The following MYO3B variants were observed in gnomAD, a reference collection of about 807,000 sequenced individuals.
MYO3B encodes myosin-IIIb.
Under a neutral mutation model 174.6 loss-of-function variants are expected in MYO3B, and 156 were observed. The ratio of observed to expected loss-of-function variants is 0.89; its 90% CI spans 0.78 to 1.02. The LOEUF is 1.02. MYO3B is among the 50% of genes least tolerant of loss of function. The pLI, the probability that MYO3B is intolerant of heterozygous loss-of-function variation, is 0.00. For missense variants in MYO3B, 1,632 were observed against 1,639.4 expected (o/e 1.00, Z 0.08); for synonymous variants, 563 against 569.1 (o/e 0.99, Z 0.15).
At chr2:170,619,143 AT>A (rs1695667066) in intron 32 of MYO3B, among the ~76,000 whole-genome samples, 1 of 152,202 alleles carries the variant, frequency 6.6e-6, no homozygotes, top group African/African-American at 2.4e-5. Context: ...GCCCTATCTT[AT>A]CCATATGGAC....
chr2:170,213,241 C>T (rs926438538), intron 3 of MYO3B, among the ~76,000 whole-genome samples: 2 of 152,222 alleles, frequency 1.3e-5, no homozygotes, highest in Middle Eastern at 3.4e-3. Context: ...TTTATTCCGC[C>T]GGGAGCATCG....
At chr2:170,299,640 G>A (rs1169061311) in intron 7 of MYO3B, among the ~76,000 whole-genome samples, 1 of 152,192 alleles carries the variant, frequency 6.6e-6, no homozygotes, top group African/African-American at 2.4e-5. Flanking sequence ...GAAAGAATAA[G>A]TAACTTGGCT....
chr2:170,595,658 T>C (rs1354199224), intron 32 of MYO3B, among the ~76,000 whole-genome samples: 1 of 152,074 alleles, frequency 6.6e-6, no homozygotes, highest in Non-Finnish European at 1.5e-5. Context: ...AGGCTAGTCT[T>C]GAACCCTGGG....
intron 8 of MYO3B, among the ~76,000 whole-genome samples, chr2:170,338,464 C>G (rs181962683): frequency 1.1e-4 from 16 of 152,162 alleles, no homozygotes; most frequent in African/African-American, 3.9e-4. Context: ...TCCTGTTTTC[C>G]CATAACATCT....
chr2:170,533,723 A>G (rs1689505887), intron 30 of MYO3B, among the ~76,000 whole-genome samples: 1 of 152,246 alleles, frequency 6.6e-6, no homozygotes, highest in Non-Finnish European at 1.5e-5. Context: ...AATCATAAAC[A>G]ATAAGTAACC....
intron 24 of MYO3B, among the ~76,000 whole-genome samples, chr2:170,465,292 A>G (rs1047088645): frequency 6.6e-6 from 1 of 152,156 alleles, no homozygotes; most frequent in Non-Finnish European, 1.5e-5. Context: ...TTACTCATAG[A>G]GCAGGCGTGT....
chr2:170,516,477 A>G (rs1688317282), intron 29 of MYO3B, among the ~76,000 whole-genome samples: 1 of 152,038 alleles, frequency 6.6e-6, no homozygotes, highest in Non-Finnish European at 1.5e-5. Flanking sequence ...CCCCATCTCT[A>G]CTAAAAATAC....
chr2:170,188,650 C>A (rs951159034), intron 1 of MYO3B, among the ~76,000 whole-genome samples: 1 of 151,778 alleles, frequency 6.6e-6, no homozygotes, highest in Non-Finnish European at 1.5e-5. Flanking sequence ...TTGCAGTTAC[C>A]ATGAGGCTTG....
At chr2:170,379,826 G>C (rs1294958599) in intron 9 of MYO3B, among the ~76,000 whole-genome samples, 1 of 152,200 alleles carries the variant, frequency 6.6e-6, no homozygotes, top group Non-Finnish European at 1.5e-5. Context: ...TAGGACTGGA[G>C]ATGACTAATA....
chr2:170,629,384 C>T (rs1696745288), intron 32 of MYO3B, among the ~76,000 whole-genome samples: 1 of 152,166 alleles, frequency 6.6e-6, no homozygotes, highest in Non-Finnish European at 1.5e-5. Flanking sequence ...TATTTTTCCC[C>T]CATCCCAAGC....
chr2:170,570,739 G>A (rs146804446), intron 32 of MYO3B, among the ~76,000 whole-genome samples: 7 of 151,968 alleles, frequency 4.6e-5, no homozygotes, highest in East Asian at 1.9e-4. Context: ...TCATTTGCGC[G>A]TTATTCTGGC....
Position 170,653,434 on chromosome 2 carries a change from C to T in MYO3B, c.*313C>T, listed in dbSNP as rs930134521. 5 of 308,760 alleles carry T rather than the reference C, an allele frequency of 1.6e-5. No individual in the cohort carries two copies. The highest frequency in any genetic ancestry group is 4.4e-5 in the Admixed American group (1 of 22,586). The allele number at this position is 308,760 out of a possible 1,614,324, so 19.1% of individuals were successfully genotyped here. On this transcript the variant is annotated 3_prime_UTR_variant, in exon 35 of 35. Coordinates refer to ENST00000408978, the MANE Select transcript of MYO3B (RefSeq NM_138995.5). ...CCCCAGTGTCTAGGAAGATAACAGC[C>T]AGTCTCACCCCAGTCTAATCATGGA...
intron 3 of MYO3B, 84 bp from the exon 4 acceptor site, chr2:170,214,295 C>A: frequency 9.6e-7 from 1 of 1,041,574 alleles, no homozygotes. Context: ...GAATCAGTAT[C>A]AGTCGGCTTT....
intron 32 of MYO3B, among the ~76,000 whole-genome samples, chr2:170,582,191 C>T (rs568328865): frequency 2.3e-4 from 35 of 152,304 alleles, no homozygotes; most frequent in East Asian, 1.5e-3. Context: ...TGGCTACAGA[C>T]GCACTACCAG....
At chr2:170,604,622 T>C (rs6749331) in intron 32 of MYO3B, among the ~76,000 whole-genome samples, 35,993 of 152,044 alleles carry the variant, frequency 0.24, 7,350 homozygotes, top group African/African-American at 0.56. Context: ...CTTTCTGAAA[T>C]AAAAGAACAT....
At chr2:170,636,130 C>T (rs895858550) in intron 32 of MYO3B, among the ~76,000 whole-genome samples, 105 of 152,216 alleles carry the variant, frequency 6.9e-4, no homozygotes, top group Non-Finnish European at 1.0e-4. Flanking sequence ...ATTCCAGTTA[C>T]CTTATTATGA....
rs570219345 is a variant in MYO3B, at chr2:170,340,376, C to T, written c.815+4926C>T. ...GCTTTGGATTTAATGATGACTTGAA[C>T]TACATGGTCACCTGCACATGAACTG... On this transcript the variant is annotated intron_variant, in intron 8 of 34. Coordinates refer to ENST00000408978, the MANE Select transcript of MYO3B (RefSeq NM_138995.5). 70 of 152,302 alleles carry T rather than the reference C, an allele frequency of 4.6e-4. 1 individual carries two copies. The highest frequency in any genetic ancestry group is 1.6e-3 in the African/African-American group (66 of 41,578). 9.4% of individuals were successfully genotyped at this position (152,302 alleles called of 1,614,324 possible).
intron 8 of MYO3B, chr2:170,346,545 A>G (rs1179696132): frequency 1.3e-5 from 2 of 152,020 alleles, no homozygotes; most frequent in Non-Finnish European, 2.9e-5. Flanking sequence ...ACCATACTGT[A>G]TTTTCTTCCC....
rs200282419 is a variant in MYO3B at position 170,558,302 on chromosome 2, CCA to C, written c.3733+14315_3733+14316del. On this transcript the variant is annotated intron_variant, in intron 32 of 34. Transcript: ENST00000408978. ...GTACAGACAGAGTGAGACTCTGTCTCCAAAAAAAAAAAAATGCTTAAAACGAA... is the reference window on the plus strand; with the variant it reads ...GTACAGACAGAGTGAGACTCTGTCTCAAAAAAAAAAAATGCTTAAAACGAA... Among the ~76,000 whole-genome samples the C allele has an allele frequency of 5.9e-3, 863 of 146,964 alleles. 10 individuals are homozygous for C. Among genetic ancestry groups the C allele is most frequent in the African/African-American group, 0.02 (790 of 40,028 alleles).
Sources: gnomAD v4.1 joint callset for allele counts (sites outside exome capture counted in the v4.1 genomes callset) on GRCh38, gnomAD v4.1.1 for gene constraint, MANE v1.5 for transcripts, NCBI Gene and HGNC (gene_info 2026-07-23, HGNC 2026-07-21) for gene names.